NRG1: variants seen among roughly 807,000 people sequenced by gnomAD.
The protein encoded by NRG1 is pro-neuregulin-1, membrane-bound isoform.
A neutral mutation model predicts 63.8 loss-of-function variants in NRG1; 18 were observed. The ratio of observed to expected loss-of-function variants is 0.28; its 90% CI spans 0.19 to 0.42. NRG1 has a LOEUF of 0.42. NRG1 is among the 10% of genes least tolerant of loss of function. The probability of loss-of-function intolerance (pLI) is 1.00; values close to 1 mark genes in which losing one functional copy is unlikely to be tolerated. For synonymous variants in NRG1, 302 were observed against 301.3 expected (o/e 1.00, Z -0.02); for missense variants, 762 against 814.7 (o/e 0.94, Z 0.79).
At chr8:32,170,900 AT>A (rs1839954249) in intron 1 of NRG1, among the ~76,000 whole-genome samples, 1 of 152,214 alleles carries the variant, frequency 6.6e-6, no homozygotes, top group Admixed American at 6.5e-5. Context: ...ACCTGATAAT[AT>A]TCCCCAGATC....
chr8:32,560,228 A>G (rs1398705092), intron 1 of NRG1, among the ~76,000 whole-genome samples: 1 of 151,752 alleles, frequency 6.6e-6, no homozygotes. Context: ...TTTGTTTGCA[A>G]GACCAAAGTC....
intron 1 of NRG1, among the ~76,000 whole-genome samples, chr8:31,674,698 G>A (rs1807500640): frequency 2.0e-5 from 3 of 152,052 alleles, no homozygotes; most frequent in African/African-American, 7.2e-5. Context: ...GATTACAGAT[G>A]AATATTCAAA....
At chr8:32,360,042 A>T (rs1306570140) in intron 1 of NRG1, among the ~76,000 whole-genome samples, 1 of 152,228 alleles carries the variant, frequency 6.6e-6, no homozygotes, top group African/African-American at 2.4e-5. Context: ...AGTTCCGTGG[A>T]TGTCTAGTCA....
chr8:32,599,928 G>C (rs1450704648), intron 2 of NRG1, among the ~76,000 whole-genome samples: 4 of 151,894 alleles, frequency 2.6e-5, no homozygotes, highest in South Asian at 4.2e-4. Flanking sequence ...ATTTTTACTG[G>C]TTGCTTTTTT....
At chr8:32,066,052 ATTTG>A (rs1158399047) in intron 1 of NRG1, among the ~76,000 whole-genome samples, 1 of 152,100 alleles carries the variant, frequency 6.6e-6, no homozygotes, top group Admixed American at 6.5e-5. Flanking sequence ...TTTCTTGTAA[ATTTG>A]TTTGAGTTCA....
intron 1 of NRG1, among the ~76,000 whole-genome samples, chr8:31,824,180 C>A (rs556637258): frequency 7.8e-6 from 1 of 128,838 alleles, no homozygotes. Context: ...CCCCCTCCCC[C>A]CACCCCACAA....
intron 1 of NRG1, among the ~76,000 whole-genome samples, chr8:32,169,780 A>T (rs1010424196): frequency 1.3e-5 from 2 of 152,172 alleles, no homozygotes; most frequent in African/African-American, 4.8e-5. Flanking sequence ...AACTAGAATG[A>T]TTTATCTTAT....
chr8:31,679,616 T>G (rs1236764593), intron 1 of NRG1, among the ~76,000 whole-genome samples: 1 of 152,176 alleles, frequency 6.6e-6, no homozygotes, highest in Admixed American at 6.6e-5. Flanking sequence ...GGTGAAACAT[T>G]GAAAGTATTC....
chr8:32,643,827 G>C (rs765722719), intron 5 of NRG1, among the ~76,000 whole-genome samples: 19 of 152,118 alleles, frequency 1.2e-4, no homozygotes, highest in Non-Finnish European at 1.9e-4. Context: ...TTGGAAACTA[G>C]ATCCTTTTAA....
chr8:32,638,524 C>T (rs185106284), intron 5 of NRG1, among the ~76,000 whole-genome samples: 1 of 152,232 alleles, frequency 6.6e-6, no homozygotes, highest in Admixed American at 6.5e-5. Flanking sequence ...GATATGGTCT[C>T]CTTCTGTTGC....
At chr8:31,746,564 G>C (rs919542452) in intron 1 of NRG1, among the ~76,000 whole-genome samples, 3 of 151,930 alleles carry the variant, frequency 2.0e-5, no homozygotes, top group African/African-American at 7.2e-5. Context: ...AGGTAGGCCC[G>C]ATACAAGAAG....
At chr8:31,765,201 C>A (rs1249535284) in intron 1 of NRG1, among the ~76,000 whole-genome samples, 1 of 152,058 alleles carries the variant, frequency 6.6e-6, no homozygotes, top group Admixed American at 6.6e-5. Context: ...CCTTACTGAA[C>A]TCACTTATTA....
At chr8:32,053,664 G>A (rs544665209) in intron 1 of NRG1, among the ~76,000 whole-genome samples, 13 of 152,304 alleles carry the variant, frequency 8.5e-5, no homozygotes, top group Middle Eastern at 6.8e-3. Flanking sequence ...AAGATTAAAG[G>A]TGAATTGCAA....
chr8:31,839,960 C>A (rs1312445424), intron 1 of NRG1, among the ~76,000 whole-genome samples: 2 of 152,032 alleles, frequency 1.3e-5, no homozygotes, highest in Non-Finnish European at 2.9e-5. Context: ...CAGATGGGAG[C>A]AAATTTCCAA....
intron 1 of NRG1, among the ~76,000 whole-genome samples, chr8:32,123,055 A>G (rs1436468587): frequency 6.6e-6 from 1 of 151,954 alleles, no homozygotes; most frequent in African/African-American, 2.4e-5. Context: ...AGAGACCACA[A>G]TGCTGTTTAT....
chr8:32,621,499 C>T (rs1848323092), intron 5 of NRG1, among the ~76,000 whole-genome samples: 1 of 152,178 alleles, frequency 6.6e-6, no homozygotes, highest in African/African-American at 2.4e-5. Flanking sequence ...CCCCATTTTG[C>T]AGACAATTCT....
intron 5 of NRG1, among the ~76,000 whole-genome samples, chr8:32,718,196 T>G (rs1819733103): frequency 6.6e-6 from 1 of 152,164 alleles, no homozygotes; most frequent in Admixed American, 6.5e-5. Context: ...TCTGTTAACA[T>G]GATGAGTGTT....
chr8:31,827,559 TTC>T (rs1049120347), intron 1 of NRG1, among the ~76,000 whole-genome samples: 1 of 152,176 alleles, frequency 6.6e-6, no homozygotes, highest in Non-Finnish European at 1.5e-5. Context: ...AAGGCTGAGT[TTC>T]TGTAGCTTGA....
At chr8:32,667,466 G>T (rs957145286) in intron 5 of NRG1, among the ~76,000 whole-genome samples, 3 of 152,156 alleles carry the variant, frequency 2.0e-5, no homozygotes, top group African/African-American at 7.2e-5. Flanking sequence ...TGTGGTGGGT[G>T]TGAAAGTTAA....
Sources: allele counts gnomAD v4.1 joint callset (sites outside exome capture counted in the v4.1 genomes callset), GRCh38; gene constraint gnomAD v4.1.1; transcripts MANE v1.5; gene names NCBI Gene and HGNC (gene_info 2026-07-23, HGNC 2026-07-21).